Variants in TCF7L2 observed in about 807,000 individuals in gnomAD.
The protein encoded by TCF7L2 is transcription factor 7-like 2.
Under a neutral mutation model 77.9 loss-of-function variants are expected in TCF7L2, and 23 were observed. The observed-to-expected ratio is 0.30, with a 90% CI of 0.21 to 0.42. The LOEUF is 0.42. TCF7L2 is among the 10% of genes least tolerant of loss of function. TCF7L2 has a pLI of 1.00. For synonymous variants in TCF7L2, 413 were observed against 340.2 expected (o/e 1.21, Z -2.36); for missense variants, 654 against 793.1 (o/e 0.82, Z 2.11).
chr10:113,159,330 T>A (rs536189412), intron 12 of TCF7L2, among the ~76,000 whole-genome samples: 4 of 152,036 alleles, frequency 2.6e-5, no homozygotes, highest in African/African-American at 4.8e-5. Context: ...AAAATAGATT[T>A]AAAAAAAAGA....
chr10:113,046,788 A>G (rs2053541225), intron 5 of TCF7L2, among the ~76,000 whole-genome samples: 1 of 152,122 alleles, frequency 6.6e-6, no homozygotes, highest in African/African-American at 2.4e-5. Flanking sequence ...ACAGCCCATA[A>G]TCTCACCACT....
At chr10:112,982,983 C>T (rs969266035) in intron 4 of TCF7L2, among the ~76,000 whole-genome samples, 9 of 152,078 alleles carry the variant, frequency 5.9e-5, no homozygotes, top group Non-Finnish European at 1.0e-4. Context: ...TATCATTTGT[C>T]TCCCCATGGA....
chr10:112,998,722 G>T (rs188734736), intron 4 of TCF7L2, among the ~76,000 whole-genome samples: 1 of 152,344 alleles, frequency 6.6e-6, no homozygotes, highest in East Asian at 1.9e-4. Flanking sequence ...ACAGGCCTGT[G>T]TGACTGAGAA....
At chr10:113,099,056 T>C (rs1326699857) in intron 5 of TCF7L2, among the ~76,000 whole-genome samples, 2 of 152,246 alleles carry the variant, frequency 1.3e-5, no homozygotes, top group South Asian at 2.1e-4. Flanking sequence ...AGTTGTCAGC[T>C]TGTTAGTTAT....
chr10:113,103,099 A>G (rs1367617274), intron 5 of TCF7L2, among the ~76,000 whole-genome samples: 1 of 151,808 alleles, frequency 6.6e-6, no homozygotes, highest in African/African-American at 2.4e-5. Context: ...TTTCTTTTTA[A>G]TAATTTGTCC....
chr10:112,995,559 C>T (rs754185621), intron 4 of TCF7L2, among the ~76,000 whole-genome samples: 3 of 152,076 alleles, frequency 2.0e-5, no homozygotes, highest in South Asian at 2.1e-4. Context: ...TGACTTCAGG[C>T]GAGTCACCCC....
chr10:113,015,652 A>T (rs550936157), intron 4 of TCF7L2, among the ~76,000 whole-genome samples: 90 of 151,484 alleles, frequency 5.9e-4, no homozygotes, highest in East Asian at 3.1e-3. Context: ...ATTAAAAAAA[A>T]TTTTTTTTTG....
chr10:113,158,177 G>T (rs1017189969), intron 12 of TCF7L2, 108 bp downstream of exon 12: 1 of 1,193,282 alleles, frequency 8.4e-7, no homozygotes, highest in African/African-American at 1.5e-5. Context: ...CCAGGACATT[G>T]TGGGGGAACC....
intron 3 of TCF7L2, among the ~76,000 whole-genome samples, chr10:112,953,107 C>A (rs1193482169): frequency 1.3e-5 from 2 of 152,124 alleles, no homozygotes. Context: ...GCTTGCCGGA[C>A]GGGAGTCGAT....
At chr10:113,144,130 G>GTA in intron 7 of TCF7L2, 105 bp downstream of exon 7, 1 of 805,770 alleles carries the variant, frequency 1.2e-6, no homozygotes, top group Non-Finnish European at 1.8e-6. Flanking sequence ...GTGTGTGTGT[G>GTA]TGTGTGTATG....
At chr10:113,104,973 G>A (rs962547114) in intron 5 of TCF7L2, among the ~76,000 whole-genome samples, 6 of 152,170 alleles carry the variant, frequency 3.9e-5, no homozygotes, top group African/African-American at 1.4e-4. Flanking sequence ...TGCAATGTTG[G>A]CAGGAAGCAG....
intron 5 of TCF7L2, among the ~76,000 whole-genome samples, chr10:113,097,032 G>T (rs2061056419): frequency 6.6e-6 from 1 of 152,148 alleles, no homozygotes; most frequent in East Asian, 1.9e-4. Flanking sequence ...CCTAGTGGTA[G>T]CCTCTTGCTG....
At chr10:113,098,460 A>G (rs1186188142) in intron 5 of TCF7L2, among the ~76,000 whole-genome samples, 1 of 152,052 alleles carries the variant, frequency 6.6e-6, no homozygotes, top group Non-Finnish European at 1.5e-5. Context: ...TAATCCCAGC[A>G]CTTTGGGAGG....
At chr10:113,162,497 T>G (rs2073323830) in intron 13 of TCF7L2, among the ~76,000 whole-genome samples, 1 of 152,094 alleles carries the variant, frequency 6.6e-6, no homozygotes, top group Non-Finnish European at 1.5e-5. Context: ...AGAATTTTAT[T>G]GATATATAAA....
intron 12 of TCF7L2, among the ~76,000 whole-genome samples, chr10:113,159,426 T>C (rs2137410707): frequency 6.6e-6 from 1 of 152,294 alleles, no homozygotes; most frequent in East Asian, 1.9e-4. Context: ...TTGTTCTGTT[T>C]TTATTTGTAA....
At chr10:113,037,128 A>C (rs994298013) in intron 4 of TCF7L2, among the ~76,000 whole-genome samples, 3 of 152,144 alleles carry the variant, frequency 2.0e-5, no homozygotes, top group African/African-American at 7.2e-5. Flanking sequence ...AATAAGCACC[A>C]ATTGTAGAAG....
At chr10:113,014,746 A>G (rs1026296098) in intron 4 of TCF7L2, among the ~76,000 whole-genome samples, 7 of 152,156 alleles carry the variant, frequency 4.6e-5, no homozygotes, top group African/African-American at 7.2e-5. Flanking sequence ...AGATTGTGCC[A>G]CTGCCCTCCA....
intron 4 of TCF7L2, among the ~76,000 whole-genome samples, chr10:113,039,817 T>C (rs2052111719): frequency 6.6e-6 from 1 of 152,128 alleles, no homozygotes; most frequent in Admixed American, 6.5e-5. Flanking sequence ...GCTAGTAACA[T>C]TAATCTTCTA....
chr10:113,088,062 T>A (rs953129409), intron 5 of TCF7L2, among the ~76,000 whole-genome samples: 17 of 152,272 alleles, frequency 1.1e-4, no homozygotes, highest in African/African-American at 4.1e-4. Context: ...CTGAACAAAT[T>A]ACATGAAAAA....
Sources: gnomAD v4.1 joint callset for allele counts (sites outside exome capture counted in the v4.1 genomes callset) on GRCh38, gnomAD v4.1.1 for gene constraint, MANE v1.5 for transcripts, NCBI Gene and HGNC (gene_info 2026-07-23, HGNC 2026-07-21) for gene names.